The following KIAA1217 variants were observed in gnomAD, a reference collection of about 807,000 sequenced individuals.
The protein encoded by KIAA1217 is sickle tail protein homolog.
A neutral mutation model predicts 163.9 loss-of-function variants in KIAA1217; 88 were observed. That is an observed-to-expected ratio of 0.54 (90% CI 0.45 to 0.64). KIAA1217 has a LOEUF of 0.64. Ranked by LOEUF, KIAA1217 falls within the 30% of genes least tolerant of loss-of-function variation. The pLI is 0.00. For synonymous variants in KIAA1217, 903 were observed against 923.1 expected, an observed-to-expected ratio of 0.98 and a Z score of 0.39; for missense variants, 2,372 against 2,475.0, an observed-to-expected ratio of 0.96 and a Z score of 0.88.
At chr10:23,933,732 T>A (rs573811939) in intron 1 of KIAA1217, among the ~76,000 whole-genome samples, 1 of 152,086 alleles carries the variant, frequency 6.6e-6, no homozygotes, top group Non-Finnish European at 1.5e-5. Flanking sequence ...GCAAAGGATA[T>A]GAACTGACAC....
At chr10:24,382,007 G>A (rs1187481306) in intron 3 of KIAA1217, among the ~76,000 whole-genome samples, 3 of 150,180 alleles carry the variant, frequency 2.0e-5, no homozygotes, top group African/African-American at 2.5e-5. Context: ...ATTTTACCAC[G>A]TATCATTTCC....
chr10:24,007,945 G>A (rs976301873), intron 2 of KIAA1217, among the ~76,000 whole-genome samples: 1 of 152,170 alleles, frequency 6.6e-6, no homozygotes, highest in African/African-American at 2.4e-5. Context: ...GTGGCCTTGA[G>A]TGTCTGGAAT....
chr10:24,163,173 G>A (rs1564775258), intron 2 of KIAA1217, among the ~76,000 whole-genome samples: 1 of 152,162 alleles, frequency 6.6e-6, no homozygotes, highest in African/African-American at 2.4e-5. Context: ...CCCAGCCTTC[G>A]ATATAATGTA....
intron 1 of KIAA1217, among the ~76,000 whole-genome samples, chr10:23,826,364 G>C (rs1263844549): frequency 6.6e-6 from 1 of 152,008 alleles, no homozygotes; most frequent in African/African-American, 2.4e-5. Flanking sequence ...TAGTTCAAAG[G>C]TTTTACCACT....
chr10:24,342,628 A>G (rs537092578), intron 2 of KIAA1217, among the ~76,000 whole-genome samples: 2 of 150,842 alleles, frequency 1.3e-5, no homozygotes, highest in South Asian at 2.1e-4. Context: ...GGTACTTCAC[A>G]TTAGCTCATG....
chr10:24,209,048 C>G (rs1417698164), upstream of KIAA1217: 1 of 642,510 alleles, frequency 1.6e-6, no homozygotes, highest in Non-Finnish European at 2.7e-6. Context: ...AGACTTTGCA[C>G]CGGAGTGGAA....
intron 1 of KIAA1217, among the ~76,000 whole-genome samples, chr10:23,954,633 G>A (rs910422580): frequency 4.0e-5 from 6 of 151,564 alleles, no homozygotes; most frequent in African/African-American, 1.5e-4. Flanking sequence ...GAAGGAAGGA[G>A]GGAGGGAGGG....
intron 17 of KIAA1217, among the ~76,000 whole-genome samples, chr10:24,538,732 G>GTTTTTTTTTTTT (rs756717624): frequency 3.4e-5 from 3 of 87,768 alleles, no homozygotes; most frequent in Admixed American, 1.4e-4. Context: ...ATTGTTTTTG[G>GTTTTTTTTTTTT]TTTTTTTTTT....
chr10:24,136,397 A>G (rs1193505610), intron 2 of KIAA1217, among the ~76,000 whole-genome samples: 1 of 152,176 alleles, frequency 6.6e-6, no homozygotes, highest in African/African-American at 2.4e-5. Context: ...TTTTTAAACT[A>G]GGGATTTTTG....
rs1266746125 is a variant in KIAA1217, at chr10:24,441,966, A to T, written c.846+3487A>T. 3.3e-5 allele frequency among the ~76,000 whole-genome samples: 5 copies of T among 152,284 alleles called. No individual in the cohort carries two copies. In the South Asian group the frequency reaches 1.0e-3, roughly 32 times the overall value. ...TCACCAAACCTGGTGGCTTTTTCATAGTGTGGGGGCTTCTCCACCTTCTTG... is the reference window on the plus strand; with the variant it reads ...TCACCAAACCTGGTGGCTTTTTCATTGTGTGGGGGCTTCTCCACCTTCTTG... On this transcript the variant is annotated intron_variant, in intron 5 of 20. Transcript: ENST00000376454.
At chr10:24,370,541 T>C (rs1200825873) in intron 2 of KIAA1217, among the ~76,000 whole-genome samples, 1 of 152,142 alleles carries the variant, frequency 6.6e-6, no homozygotes, top group Non-Finnish European at 1.5e-5. Context: ...ATCAGCATAG[T>C]AGGCAGGACC....
At chr10:24,179,350 C>A (rs1443142354) in intron 2 of KIAA1217, among the ~76,000 whole-genome samples, 1 of 151,966 alleles carries the variant, frequency 6.6e-6, no homozygotes, top group Non-Finnish European at 1.5e-5. Flanking sequence ...ACCATCCCCC[C>A]AGTCCTGTCT....
intron 1 of KIAA1217, among the ~76,000 whole-genome samples, chr10:24,000,646 G>C (rs1846697291): frequency 6.6e-6 from 1 of 152,232 alleles, no homozygotes; most frequent in Non-Finnish European, 1.5e-5. Flanking sequence ...GTATCCTGGG[G>C]CACAAGTGGT....
intron 5 of KIAA1217, among the ~76,000 whole-genome samples, chr10:24,471,834 C>T (rs1468487483): frequency 4.1e-5 from 6 of 145,204 alleles, no homozygotes; most frequent in South Asian, 2.1e-4. Flanking sequence ...AGTGACTGAG[C>T]TGAGATTGCG....
At chr10:23,905,260 C>T (rs1409838847) in intron 1 of KIAA1217, among the ~76,000 whole-genome samples, 1 of 151,436 alleles carries the variant, frequency 6.6e-6, no homozygotes, top group African/African-American at 2.4e-5. Context: ...GGATCACATG[C>T]ACTATCTCTT....
intron 2 of KIAA1217, among the ~76,000 whole-genome samples, chr10:24,369,594 A>T (rs939732718): frequency 6.6e-6 from 1 of 152,168 alleles, no homozygotes; most frequent in Non-Finnish European, 1.5e-5. Context: ...AAAGCACTGA[A>T]GCCTAGGTTG....
chr10:24,160,052 T>A (rs1401266015), intron 2 of KIAA1217, among the ~76,000 whole-genome samples: 1 of 152,198 alleles, frequency 6.6e-6, no homozygotes. Flanking sequence ...GATTCTCTAG[T>A]CTGTCCCATT....
At chr10:24,392,988 A>G (rs562261649) in intron 3 of KIAA1217, among the ~76,000 whole-genome samples, 58 of 152,240 alleles carry the variant, frequency 3.8e-4, no homozygotes, top group Admixed American at 8.5e-4. Context: ...TTTGAAAGCT[A>G]ATTTTCAGAT....
intron 4 of KIAA1217, among the ~76,000 whole-genome samples, chr10:24,436,757 C>CAAAAAAAAAAAA: frequency 1.4e-5 from 1 of 70,874 alleles, no homozygotes. Flanking sequence ...GACTCCGTCT[C>CAAAAAAAAAAAA]AAAAAAAAAA....
Sources: allele counts gnomAD v4.1 joint callset (sites outside exome capture counted in the v4.1 genomes callset), GRCh38; gene constraint gnomAD v4.1.1; transcripts MANE v1.5; gene names NCBI Gene and HGNC (gene_info 2026-07-23, HGNC 2026-07-21).